Variants in ST6GAL1 observed in about 807,000 individuals in gnomAD.
The protein encoded by ST6GAL1 is beta-galactoside alpha-2,6-sialyltransferase 1.
In ST6GAL1, 20 loss-of-function variants were observed where a neutral mutation model predicts 38.0. The observed-to-expected ratio is 0.53, with a 90% confidence interval of 0.37 to 0.77. ST6GAL1 has a LOEUF of 0.77. ST6GAL1 is among the 30% of genes least tolerant of loss of function. ST6GAL1 has a pLI of 0.00. For synonymous variants in ST6GAL1, 196 were observed against 188.2 expected (o/e 1.04, Z -0.34); for missense variants, 432 against 496.4 (o/e 0.87, Z 1.23).
chr3:187,016,125 G>A (rs912030066), intron 2 of ST6GAL1, among the ~76,000 whole-genome samples: 4 of 152,202 alleles, frequency 2.6e-5, no homozygotes, highest in Admixed American at 1.3e-4. Context: ...GTACAGAGCC[G>A]CAGACCCAGC....
At chr3:187,067,235 C>T (rs914880389) in intron 5 of ST6GAL1, among the ~76,000 whole-genome samples, 1 of 151,080 alleles carries the variant, frequency 6.6e-6, no homozygotes, top group Non-Finnish European at 1.5e-5. Flanking sequence ...TTCAGGTGCC[C>T]GCCACCACGC....
chr3:187,060,176 T>TG (rs1553835389), intron 5 of ST6GAL1, among the ~76,000 whole-genome samples: 1 of 152,002 alleles, frequency 6.6e-6, no homozygotes, highest in African/African-American at 2.4e-5. Context: ...CTTTTTTCAG[T>TG]GGGGGTAGGG....
In ST6GAL1 at chr3:187,055,752, C is replaced by T. The variant is rs182407006; in HGVS notation, c.705+4406C>T. On this transcript the variant is annotated intron_variant, in intron 5 of 7. Coordinates refer to ENST00000169298, the MANE Select transcript of ST6GAL1 (RefSeq NM_173216.2). ...TATGTGGTCAGTTTTACAATAAGTG[C>T]GATGTGGTGCTGAGACAAATGTATA... 4.7e-4 allele frequency among the ~76,000 whole-genome samples: 71 copies of T among 152,170 alleles called. No homozygotes were observed. The Middle Eastern group carries it at 0.017, about 36-fold the overall frequency.
At chr3:186,974,734 G>C (rs553807261) in intron 2 of ST6GAL1, among the ~76,000 whole-genome samples, 4 of 150,494 alleles carry the variant, frequency 2.7e-5, no homozygotes, top group Non-Finnish European at 5.9e-5. Flanking sequence ...GTTGGGGGGG[G>C]GGCGCCCACA....
intron 1 of ST6GAL1, 121 bp downstream of exon 1, chr3:186,930,955 ATC>A (rs1406137914): frequency 6.5e-6 from 1 of 153,384 alleles, no homozygotes; most frequent in Non-Finnish European, 1.4e-5. Context: ...GGCGCAGGGA[ATC>A]TCTCTCCAGC....
chr3:187,054,083 T>C (rs1307386905), intron 5 of ST6GAL1, among the ~76,000 whole-genome samples: 1 of 152,210 alleles, frequency 6.6e-6, no homozygotes, highest in East Asian at 1.9e-4. Context: ...AGTTCACTCA[T>C]GATTTGGCTC....
intron 2 of ST6GAL1, chr3:187,024,986 T>TGC (rs1198899588): frequency 7.4e-6 from 1 of 134,260 alleles, no homozygotes; most frequent in African/African-American, 3.1e-5. Flanking sequence ...CAGAACCTGG[T>TGC]GCGTGTGTGT....
intron 2 of ST6GAL1, among the ~76,000 whole-genome samples, chr3:187,026,259 C>T (rs896813946): frequency 8.5e-5 from 13 of 152,142 alleles, no homozygotes; most frequent in South Asian, 2.1e-4. Flanking sequence ...TGTTGGTTCC[C>T]GCTTGATAGA....
At chr3:186,958,549 A>G (rs1714821654) in intron 1 of ST6GAL1, among the ~76,000 whole-genome samples, 1 of 152,018 alleles carries the variant, frequency 6.6e-6, no homozygotes, top group Non-Finnish European at 1.5e-5. Context: ...GAGTTGAAAG[A>G]CAGAATTAGG....
At position 187,043,013 on chromosome 3, in the gene ST6GAL1, A is replaced by G; in HGVS notation, c.310A>G (p.Asn104Asp). The G allele has an allele frequency of 1.9e-6, 3 of 1,614,158 alleles. No homozygotes were observed. The highest frequency in any genetic ancestry group is 2.5e-6 in the Non-Finnish European group (3 of 1,180,038). Reference sequence around the variant, plus strand: ...GTGGAACAAGGACAGCTCTTCCAAAAACCTTATCCCTAGGCTGCAAAAGAT... The same window carrying G: ...GTGGAACAAGGACAGCTCTTCCAAAGACCTTATCCCTAGGCTGCAAAAGAT... ...QVWNKDSSSK[N>D]LIPRLQKIWK... Residue 104 changes from asparagine (N) to aspartate (D), a missense_variant, in exon 4 of 8, where the codon AAC (asparagine) becomes GAC (aspartate). By Grantham distance (23) the Asn-to-Asp change is conservative (BLOSUM62 1). Coordinates refer to ENST00000169298, the MANE Select transcript of ST6GAL1 (RefSeq NM_173216.2).
Position 187,069,175 on chromosome 3 carries a change from G to A in ST6GAL1, c.706-3674G>A, listed in dbSNP as rs147707222. 8.3e-3 allele frequency among the ~76,000 whole-genome samples: 1,238 copies of A among 148,948 alleles called. 10 individuals carry two copies. Among genetic ancestry groups the A allele is most frequent in the Middle Eastern group, 0.017 (5 of 292 alleles). ...TCTCAAGACGGAGTCTCGCTCTGTC[G>A]CCAGGCTAGAGTGCAGTGGCACGAT... On this transcript the variant is annotated intron_variant, in intron 5 of 7. Coordinates refer to ENST00000169298, the MANE Select transcript of ST6GAL1 (RefSeq NM_173216.2).
intron 4 of ST6GAL1, among the ~76,000 whole-genome samples, 171 bp downstream of exon 4, chr3:187,043,481 G>A (rs930325290): frequency 2.0e-5 from 3 of 152,154 alleles, no homozygotes; most frequent in Non-Finnish European, 2.9e-5. Flanking sequence ...AACAGATGGC[G>A]CTCTAGGCCC....
chr3:186,948,916 G>T (rs1387151593), intron 1 of ST6GAL1: 1 of 152,248 alleles, frequency 6.6e-6, no homozygotes, highest in African/African-American at 2.4e-5. Flanking sequence ...CAGCTCCCGC[G>T]ATGCTCCTGT....
intron 2 of ST6GAL1, among the ~76,000 whole-genome samples, chr3:186,994,020 C>T (rs551614549): frequency 1.3e-5 from 2 of 152,218 alleles, no homozygotes; most frequent in East Asian, 3.9e-4. Flanking sequence ...TCGGCAGGCT[C>T]CTTGCCTTCC....
intron 2 of ST6GAL1, among the ~76,000 whole-genome samples, chr3:187,013,153 C>G (rs189198761): frequency 2.0e-5 from 3 of 152,322 alleles, no homozygotes; most frequent in Non-Finnish European, 4.4e-5. Flanking sequence ...TCTTTTTCCT[C>G]TTTAAAATGG....
intron 2 of ST6GAL1, among the ~76,000 whole-genome samples, chr3:187,001,050 C>T (rs1165369458): frequency 6.6e-6 from 1 of 152,212 alleles, no homozygotes; most frequent in African/African-American, 2.4e-5. Flanking sequence ...AGGTGGGTTA[C>T]ACAGCTTTTC....
At chr3:187,056,388 TC>T (rs1382542963) in intron 5 of ST6GAL1, among the ~76,000 whole-genome samples, 5 of 152,222 alleles carry the variant, frequency 3.3e-5, no homozygotes, top group African/African-American at 1.2e-4. Flanking sequence ...TGTAGTTTAT[TC>T]CTAGCATTGA....
chr3:187,024,544 C>CA (rs1282007288), intron 2 of ST6GAL1: 1 of 139,250 alleles, frequency 7.2e-6, no homozygotes, highest in African/African-American at 2.7e-5. Flanking sequence ...TATATTTTAA[C>CA]AAAAAAAGCC....
chr3:186,971,980 C>T (rs1173202149), intron 2 of ST6GAL1, among the ~76,000 whole-genome samples: 1 of 152,242 alleles, frequency 6.6e-6, no homozygotes, highest in African/African-American at 2.4e-5. Flanking sequence ...GAGGCAACTT[C>T]AATGCACTGG....
Sources: gnomAD v4.1 joint callset for allele counts (sites outside exome capture counted in the v4.1 genomes callset) on GRCh38, gnomAD v4.1.1 for gene constraint, MANE v1.5 for transcripts, NCBI Gene and HGNC (gene_info 2026-07-23, HGNC 2026-07-21) for gene names.